Variants in UST observed in about 807,000 individuals in gnomAD.
The protein encoded by UST is uronyl 2-sulfotransferase.
Under a neutral mutation model 45.6 loss-of-function variants are expected in UST, and 21 were observed. The observed-to-expected ratio is 0.46, with a 90% confidence interval of 0.33 to 0.66. UST has a LOEUF of 0.66. UST is among the 30% of genes least tolerant of loss of function. The probability of loss-of-function intolerance (pLI) is 0.02; values close to 1 mark genes in which losing one functional copy is unlikely to be tolerated. For synonymous variants in UST, 215 were observed against 200.6 expected (o/e 1.07, Z -0.61); for missense variants, 463 against 512.4 (o/e 0.90, Z 0.93).
intron 4 of UST, among the ~76,000 whole-genome samples, chr6:148,958,596 A>G (rs1357083423): frequency 2.6e-5 from 4 of 152,194 alleles, no homozygotes; most frequent in African/African-American, 7.2e-5. Flanking sequence ...TTTCAGAGTT[A>G]ACTTTAAGAA....
intron 1 of UST, among the ~76,000 whole-genome samples, chr6:148,782,038 T>C (rs1044840584): frequency 1.3e-5 from 2 of 152,214 alleles, no homozygotes; most frequent in Non-Finnish European, 2.9e-5. Context: ...CTGCAGCCCA[T>C]GGATCAAGGA....
chr6:148,880,576 C>T (rs569500117), intron 1 of UST, among the ~76,000 whole-genome samples: 13 of 152,300 alleles, frequency 8.5e-5, no homozygotes, highest in Admixed American at 3.9e-4. Flanking sequence ...TTGGATGTAA[C>T]GCCTTTGTAC....
intron 2 of UST, among the ~76,000 whole-genome samples, chr6:148,896,135 T>G (rs1779124753): frequency 6.6e-6 from 1 of 152,266 alleles, no homozygotes; most frequent in African/African-American, 2.4e-5. Context: ...AGAAGATTTC[T>G]GGATCCAAAA....
chr6:149,004,108 T>G (rs1781603084), intron 5 of UST, among the ~76,000 whole-genome samples: 1 of 152,198 alleles, frequency 6.6e-6, no homozygotes, highest in Non-Finnish European at 1.5e-5. Context: ...ATTTAATGTA[T>G]TTAATATAAT....
chr6:149,074,431 T>C lies in UST; in HGVS notation c.*315T>C. The C allele has an allele frequency of 3.0e-6, 1 of 332,486 alleles. No homozygotes were observed. The highest frequency in any genetic ancestry group is 5.8e-5 in the East Asian group (1 of 17,118). The allele number at this position is 332,486 out of a possible 1,614,324, so 20.6% of individuals were successfully genotyped here. On this transcript the variant is annotated 3_prime_UTR_variant, in exon 8 of 8. Coordinates refer to ENST00000367463, the MANE Select transcript of UST (RefSeq NM_005715.3). ...GGGAGAAATATAGCCCCTAGCCTAATAACTTATCATTTGTAAAATGACTTA... is the reference window on the plus strand; with the variant it reads ...GGGAGAAATATAGCCCCTAGCCTAACAACTTATCATTTGTAAAATGACTTA...
chr6:149,070,116 C>T (rs1776797618), intron 7 of UST, among the ~76,000 whole-genome samples: 1 of 152,098 alleles, frequency 6.6e-6, no homozygotes, highest in African/African-American at 2.4e-5. Context: ...AGGAGTCTTA[C>T]TTTTTTGTGT....
rs1776817059 is a variant in UST, at chr6:148,790,197, TG to T, written c.247+42523del. 6.6e-6 allele frequency among the ~76,000 whole-genome samples: 1 copy of T among 152,186 alleles called. No homozygotes were observed. The highest frequency in any genetic ancestry group is 2.1e-4 in the South Asian group (1 of 4,836). ...TCTCCTCCTAAGGCGGCAGCCTCGCTGGGTGGATTGAGTGGTTACCTTGGAT... is the reference window on the plus strand; with the variant it reads ...TCTCCTCCTAAGGCGGCAGCCTCGCTGGTGGATTGAGTGGTTACCTTGGAT... On this transcript the variant is annotated intron_variant, in intron 1 of 7. Coordinates refer to ENST00000367463, the MANE Select transcript of UST (RefSeq NM_005715.3). This position sits in a 1 kb window ranked among gnomAD's most constrained non-coding sequence, Gnocchi z 4.2.
At chr6:149,027,206 A>G (rs1255436053) in intron 7 of UST, among the ~76,000 whole-genome samples, 1 of 152,256 alleles carries the variant, frequency 6.6e-6, no homozygotes. Context: ...AAATATGTAG[A>G]AGAAAACTTT....
intron 7 of UST, among the ~76,000 whole-genome samples, chr6:149,044,699 C>T (rs2115033247): frequency 6.6e-6 from 1 of 152,296 alleles, no homozygotes; most frequent in South Asian, 2.1e-4. Context: ...TTAATACCAC[C>T]AGAGACAAGA....
intron 5 of UST, among the ~76,000 whole-genome samples, chr6:148,978,839 AT>A (rs149224452): frequency 4.0e-5 from 6 of 151,792 alleles, no homozygotes; most frequent in East Asian, 1.9e-4. Context: ...TAAGGTAAAA[AT>A]TTTTTTAAAA....
At chr6:149,059,824 C>T (rs1459152886) in intron 7 of UST, among the ~76,000 whole-genome samples, 3 of 152,152 alleles carry the variant, frequency 2.0e-5, no homozygotes, top group African/African-American at 7.2e-5. Flanking sequence ...AGGCAATAAC[C>T]TAGAAGCCCG....
chr6:149,051,510 G>T (rs1033780050), intron 7 of UST, among the ~76,000 whole-genome samples: 2 of 152,224 alleles, frequency 1.3e-5, no homozygotes, highest in African/African-American at 4.8e-5. Flanking sequence ...TTTGACCCAA[G>T]ATCTTAAGTG....
chr6:148,999,208 A>T (rs1241670228), intron 5 of UST, among the ~76,000 whole-genome samples: 2 of 152,150 alleles, frequency 1.3e-5, no homozygotes, highest in Non-Finnish European at 2.9e-5. Flanking sequence ...TACTGGTGAA[A>T]TTTTTATGAT....
At chr6:148,896,021 A>T (rs1779122851) in intron 2 of UST, among the ~76,000 whole-genome samples, 1 of 152,260 alleles carries the variant, frequency 6.6e-6, no homozygotes, top group Non-Finnish European at 1.5e-5. Context: ...GAGCTTAAAG[A>T]TGAAAACCCA....
At chr6:148,835,852 T>G (rs1777776450) in intron 1 of UST, among the ~76,000 whole-genome samples, 1 of 152,226 alleles carries the variant, frequency 6.6e-6, no homozygotes, top group Admixed American at 6.5e-5. Context: ...TTTTCAAATT[T>G]ATGGCTGTTT....
intron 7 of UST, among the ~76,000 whole-genome samples, chr6:149,059,537 T>C (rs762120612): frequency 6.6e-6 from 1 of 152,224 alleles, no homozygotes; most frequent in Non-Finnish European, 1.5e-5. Flanking sequence ...CAGGAAGTTG[T>C]TGGAAGGATT....
intron 2 of UST, among the ~76,000 whole-genome samples, chr6:148,936,712 T>C (rs927866023): frequency 4.0e-4 from 61 of 152,044 alleles, no homozygotes; most frequent in African/African-American, 1.4e-3. Flanking sequence ...TTTTATTTTT[T>C]TGAGACTAAG....
chr6:148,950,262 C>CG (rs1183710849), intron 3 of UST, among the ~76,000 whole-genome samples: 1 of 152,162 alleles, frequency 6.6e-6, no homozygotes, highest in Non-Finnish European at 1.5e-5. Context: ...TAACAAGTCT[C>CG]GGGTGATGCT....
chr6:148,751,323 G>A (rs1163518215), intron 1 of UST, among the ~76,000 whole-genome samples: 2 of 152,146 alleles, frequency 1.3e-5, no homozygotes, highest in Non-Finnish European at 1.5e-5. Flanking sequence ...TTGAGGGAAG[G>A]ACCAGCCAAC....
Sources: allele counts gnomAD v4.1 joint callset (sites outside exome capture counted in the v4.1 genomes callset), GRCh38; gene constraint gnomAD v4.1.1; non-coding constraint Gnocchi (gnomAD v3.1); transcripts MANE v1.5; gene names NCBI Gene and HGNC (gene_info 2026-07-23, HGNC 2026-07-21).